The following OTUD4 variants were observed in gnomAD, a reference collection of about 807,000 sequenced individuals.
The protein encoded by OTUD4 is OTU deubiquitinase 4.
Under a neutral mutation model 130.4 loss-of-function variants are expected in OTUD4, and 24 were observed. The ratio of observed to expected loss-of-function variants is 0.18; its 90% CI spans 0.13 to 0.26. The LOEUF (loss-of-function observed/expected upper bound fraction) is 0.26. Among genes scored for constraint, OTUD4 ranks in the 10% least tolerant of loss-of-function variants. The probability of loss-of-function intolerance (pLI) is 1.00; values close to 1 mark genes in which losing one functional copy is unlikely to be tolerated. For missense variants in OTUD4, 1,031 were observed against 1,329.4 expected (o/e 0.78, Z 3.49); for synonymous variants, 420 against 472.5 (o/e 0.89, Z 1.44).
chr4:145,170,512 T>G (rs1355233896), intron 3 of OTUD4, among the ~76,000 whole-genome samples: 2 of 152,220 alleles, frequency 1.3e-5, no homozygotes, highest in Non-Finnish European at 2.9e-5. Context: ...CAGCTAGAAA[T>G]AACACTTTGA....
At chr4:145,171,789 G>T in intron 2 of OTUD4, 69 bp from the exon 3 acceptor site, 1 of 769,704 alleles carries the variant, frequency 1.3e-6, no homozygotes, top group East Asian at 2.5e-5. Context: ...GCTTCGCTGT[G>T]TAAACATTCA....
At chr4:145,173,760 G>A (rs983932867) in intron 2 of OTUD4, among the ~76,000 whole-genome samples, 3 of 152,166 alleles carry the variant, frequency 2.0e-5, no homozygotes, top group African/African-American at 7.2e-5. Flanking sequence ...AATAAATCCT[G>A]TAAGACTTTG....
At chr4:145,141,845 C>A (rs1488004387) in intron 18 of OTUD4, among the ~76,000 whole-genome samples, 1 of 152,068 alleles carries the variant, frequency 6.6e-6, no homozygotes, top group Non-Finnish European at 1.5e-5. Flanking sequence ...AATAGTAGCT[C>A]TTGCAGGCAC....
chr4:145,152,619 T>C lies in OTUD4; in HGVS notation c.890A>G (p.Asn297Ser), dbSNP rs762535937. The C allele has an allele frequency of 1.3e-5, 21 of 1,608,836 alleles. No homozygotes were observed. In the Middle Eastern group the frequency reaches 4.9e-4, roughly 38 times the overall value. Reference sequence around the variant, plus strand: ...AACATCTGCATTCAAAAATTTTCCATTGTGATCCAACCTAACCTGTTAAAA... The same window carrying C: ...AACATCTGCATTCAAAAATTTTCCACTGTGATCCAACCTAACCTGTTAAAA... ...GDKCQVRLDH[N>S]GKFLNADVQG... Residue 297 changes from asparagine to serine, a missense_variant, in exon 11 of 21, where the codon AAT becomes AGT. Around this residue, in one of 3 missense-constraint regions of OTUD4, gnomAD observed 900 missense variants for 1,095.9 expected, o/e 0.82. Transcript: ENST00000447906.
At chr4:145,158,502 C>CAAAAAAAAACAAAAA (rs1751401124) in intron 7 of OTUD4, among the ~76,000 whole-genome samples, 1 of 135,798 alleles carries the variant, frequency 7.4e-6, no homozygotes, top group Non-Finnish European at 1.6e-5. Context: ...CAAAACAAAA[C>CAAAAAAAAACAAAAA]AAAAAAAAAC....
chr4:145,167,826 C>G (rs1046240766), intron 3 of OTUD4, among the ~76,000 whole-genome samples: 31 of 152,044 alleles, frequency 2.0e-4, no homozygotes, highest in Non-Finnish European at 2.9e-4. Context: ...CCATTGCACT[C>G]CAGCCTGCGT....
In OTUD4 at chr4:145,165,202, A is replaced by G; in HGVS notation, c.295-5T>C. 6.2e-7 allele frequency: 1 copy of G among 1,604,824 alleles called. No homozygotes were observed. Among genetic ancestry groups the G allele is most frequent in the Non-Finnish European group, 8.5e-7 (1 of 1,173,570 alleles). ...TTCCACTTGTCCTACCCATTCCTGT[A>G]TTGAAGAAAAAAAGGTGGCATGTAA... On this transcript the variant is annotated splice_region_variant and splice_polypyrimidine_tract_variant and intron_variant, in intron 3 of 20. Coordinates refer to ENST00000447906, the MANE Select transcript of OTUD4 (RefSeq NM_001366057.1).
intron 6 of OTUD4, among the ~76,000 whole-genome samples, chr4:145,162,222 T>A (rs968644223): frequency 1.3e-5 from 2 of 152,194 alleles, no homozygotes; most frequent in African/African-American, 4.8e-5. Flanking sequence ...TTTTATATTA[T>A]AACAGAATAG....
At chr4:145,172,108 G>T (rs1752198893) in intron 2 of OTUD4, among the ~76,000 whole-genome samples, 1 of 152,236 alleles carries the variant, frequency 6.6e-6, no homozygotes, top group Admixed American at 6.5e-5. Flanking sequence ...ACAACCTGTT[G>T]TGGAACTGAG....
intron 2 of OTUD4, among the ~76,000 whole-genome samples, chr4:145,173,209 G>A (rs1012215427): frequency 1.3e-5 from 2 of 152,210 alleles, no homozygotes; most frequent in East Asian, 1.9e-4. Flanking sequence ...AGCTAACATG[G>A]TGAAACCCCA....
chr4:145,153,945 TGA>T (rs1751170551), intron 10 of OTUD4, among the ~76,000 whole-genome samples: 3 of 152,226 alleles, frequency 2.0e-5, no homozygotes, highest in Admixed American at 2.0e-4. Context: ...AAAATTTTAA[TGA>T]GATGTTATCC....
At position 145,153,697 on chromosome 4, in the gene OTUD4, G is replaced by A. The variant is rs758515358; in HGVS notation, c.874-1062C>T. Among the ~76,000 whole-genome samples, 170 of 152,146 alleles carry A rather than the reference G, an allele frequency of 1.1e-3. 1 individual carries two copies. Among genetic ancestry groups the A allele is most frequent in the Non-Finnish European group, 2.0e-3 (133 of 68,024 alleles). ...TTTCTTCCTATAAACTGCCCACACT[G>A]AAATTGTGCACCTGCCAAGTACAAC... is the stretch of plus-strand genomic sequence containing the variant. On this transcript the variant is annotated intron_variant, in intron 10 of 20. Coordinates refer to ENST00000447906, the MANE Select transcript of OTUD4 (RefSeq NM_001366057.1).
rs897450593 is a variant in OTUD4 at position 145,150,799 on chromosome 4, T to C, written c.1072+3A>G. Reference sequence around the variant, plus strand: ...AAGGAATGATAGCTTGATGTGCTCCTACCAGAATGGAAATTTTGTCCAGAA... The same window carrying C: ...AAGGAATGATAGCTTGATGTGCTCCCACCAGAATGGAAATTTTGTCCAGAA... On this transcript the variant is annotated splice_donor_region_variant and intron_variant, in intron 12 of 20. Transcript: ENST00000447906. 2.5e-6 allele frequency: 4 copies of C among 1,612,424 alleles called. No individual in the cohort carries two copies. Among genetic ancestry groups the C allele is most frequent in the Non-Finnish European group, 3.4e-6 (4 of 1,178,564 alleles).
At chr4:145,149,644 C>T (rs1041073053) in intron 13 of OTUD4, 2 of 152,164 alleles carry the variant, frequency 1.3e-5, no homozygotes, top group Non-Finnish European at 2.9e-5. Flanking sequence ...GACCTTCACA[C>T]CAGCCTATAC....
At chr4:145,146,487 T>TAAAA (rs1290074130) in intron 13 of OTUD4, 58 bp from the exon 14 acceptor site, 2 of 929,890 alleles carry the variant, frequency 2.2e-6, no homozygotes, top group Non-Finnish European at 1.4e-6. Flanking sequence ...AATAAATAAA[T>TAAAA]AAAACATTCT....
chr4:145,163,913 G>A (rs1277262618), intron 5 of OTUD4, among the ~76,000 whole-genome samples: 1 of 151,908 alleles, frequency 6.6e-6, no homozygotes, highest in East Asian at 1.9e-4. Context: ...TCTCCATGTT[G>A]GTCAGGCTGG....
Position 145,138,361 on chromosome 4 carries a change from T to C in OTUD4, c.2414A>G (p.His805Arg), listed in dbSNP as rs761655219. The C allele has an allele frequency of 6.2e-7, 1 of 1,614,186 alleles. No homozygotes were observed. The highest frequency in any genetic ancestry group is 8.5e-7 in the Non-Finnish European group (1 of 1,180,012). ...ATCAGCCTGGTAAGACAATTGTCCA[T>C]GACTTTCAGACACCTGAGATGGAGG... ...VIPPSQVSES[H>R]GQLSYQADLE... The change falls in exon 21 of 21, where the codon CAT (histidine) becomes CGT (arginine). Residue 805 changes from histidine to arginine, a missense_variant. By Grantham distance (29) the His-to-Arg change is conservative. Around this residue, in one of 3 missense-constraint regions of OTUD4, gnomAD observed 900 missense variants for 1,095.9 expected, o/e 0.82. Coordinates refer to ENST00000447906, the MANE Select transcript of OTUD4 (RefSeq NM_001366057.1).
At chr4:145,168,817 A>T (rs535634040) in intron 3 of OTUD4, among the ~76,000 whole-genome samples, 48 of 152,378 alleles carry the variant, frequency 3.2e-4, no homozygotes, top group Admixed American at 1.2e-3. Flanking sequence ...AAGAAAAAAG[A>T]AAACACATGT....
At chr4:145,165,219 G>A in intron 3 of OTUD4, 22 bp from the exon 4 acceptor site, 1 of 1,582,728 alleles carries the variant, frequency 6.3e-7, no homozygotes, top group African/African-American at 1.4e-5. Context: ...AAAAAAAGGT[G>A]GCATGTAAGT....
Sources: gnomAD v4.1 joint callset for allele counts (sites outside exome capture counted in the v4.1 genomes callset) on GRCh38, gnomAD v4.1.1 for gene constraint, gnomAD v4.1.1 regional missense constraint, MANE v1.5 for transcripts, NCBI Gene and HGNC (gene_info 2026-07-23, HGNC 2026-07-21) for gene names.